Variants in POLG observed in about 807,000 individuals in gnomAD.
POLG encodes DNA polymerase gamma, catalytic subunit.
POLG carries 110 observed loss-of-function variants against 155.4 expected under a neutral mutation model. The ratio of observed to expected loss-of-function variants is 0.71; its 90% confidence interval spans 0.61 to 0.83. POLG has a LOEUF of 0.83. Among genes scored for constraint, POLG ranks in the 40% least tolerant of loss-of-function variants. POLG has a pLI of 0.00. For synonymous variants in POLG, 701 were observed against 631.5 expected, an observed-to-expected ratio of 1.11 and a Z score of -1.65; for missense variants, 1,685 against 1,627.5, an observed-to-expected ratio of 1.04 and a Z score of -0.61.
rs180901471 is a variant in POLG, at chr15:89,320,628, G to C, written c.2981+138C>G. ...ATAGGACAAATCATCCTGGAACCAG[G>C]TTACACAGGTGTGGAAGGAGAGGGG... On this transcript the variant is annotated intron_variant, in intron 18 of 22. Coordinates refer to ENST00000268124, the MANE Select transcript of POLG (RefSeq NM_002693.3). 4 of 965,268 alleles carry C rather than the reference G, an allele frequency of 4.1e-6. No homozygotes were observed. The African/African-American group carries it at 6.4e-5, about 16-fold the overall frequency. 59.8% of individuals were successfully genotyped at this position (965,268 alleles called of 1,614,324 possible).
intron 3 of POLG, 29 bp downstream of exon 3, chr15:89,330,052 G>C (rs773605810): frequency 6.3e-7 from 1 of 1,590,650 alleles, no homozygotes; most frequent in South Asian, 1.1e-5. Flanking sequence ...TCCCATGCCA[G>C]AACCTGCAGT....
chr15:89,317,819 T>C (rs991093825), intron 21 of POLG: 3 of 456,262 alleles, frequency 6.6e-6, no homozygotes, highest in Non-Finnish European at 8.1e-6. Flanking sequence ...TCACTTCCAA[T>C]TGGGCCAGAG....
chr15:89,317,721 C>T (rs2055320255), intron 21 of POLG, 185 bp from the exon 22 acceptor site: 2 of 639,622 alleles, frequency 3.1e-6, no homozygotes, highest in South Asian at 1.8e-5. Context: ...GCCTAACCTC[C>T]CACTGAGATA....
chr15:89,332,236 T>C (rs1389143143), intron 2 of POLG: 1 of 152,236 alleles, frequency 6.6e-6, no homozygotes, highest in Non-Finnish European at 1.5e-5. Context: ...TTTAGCCATG[T>C]TTTCACCATT....
At position 89,321,750 on chromosome 15, in the gene POLG, C is replaced by T. The variant is rs778429780; in HGVS notation, c.2584G>A (p.Ala862Thr). The change falls in exon 16 of 23, where the codon GCC (alanine) becomes ACC (threonine). Residue 862 changes from alanine to threonine, a missense_variant. Physicochemically the swap from Ala to Thr is moderately conservative, Grantham distance 58. Transcript: ENST00000268124. Reference protein sequence around the residue: ...RRAVEPTWLTASNARPDRVGS... With the variant: ...RRAVEPTWLTTSNARPDRVGS... ...AGGTCACATACCCGGGCATTGCTGG[C>T]GGTGAGCCATGTGGGCTCCACAGCC... The T allele has an allele frequency of 6.8e-6, 11 of 1,612,664 alleles. No homozygotes were observed. Among genetic ancestry groups the T allele is most frequent in the Non-Finnish European group, 8.5e-6 (10 of 1,178,812 alleles).
Position 89,318,588 on chromosome 15 carries a change from GTCC to G in POLG, c.3432_3434del (p.Glu1144del). 1 of 1,614,108 alleles carries G rather than the reference GTCC, an allele frequency of 6.2e-7. No homozygotes were observed. Among genetic ancestry groups the G allele is most frequent in the South Asian group, 1.1e-5 (1 of 91,082 alleles). ...GCAAGGCCAGGGCAGCGCGGTAGCGGTCCTCCTCCCGCACCAGGTAGCGAACCT... is the reference window on the plus strand; with the variant it reads ...GCAAGGCCAGGGCAGCGCGGTAGCGGTCCTCCCGCACCAGGTAGCGAACCT... On this transcript the variant is annotated inframe_deletion, in exon 21 of 23. Transcript: ENST00000268124.
At position 89,323,827 on chromosome 15, in the gene POLG, T is replaced by A. The variant is rs796052882; in HGVS notation, c.2145A>T (p.Gln715His). 8.7e-6 allele frequency: 14 copies of A among 1,613,656 alleles called. No individual in the cohort carries two copies. Among genetic ancestry groups the A allele is most frequent in the Middle Eastern group, 1.7e-4 (1 of 6,042 alleles). ...MENLRAAVPG[Q>H]PLALTARGGP... ...GCGCACTGCTCACCAGAGCTAGGGG[T>A]TGACCTGGCACTGCAGCTCGCAAGT... is the stretch of plus-strand genomic sequence containing the variant. The change falls in exon 12 of 23, where the codon CAA becomes CAT. Residue 715 changes from glutamine to histidine, a missense_variant. Coordinates refer to ENST00000268124, the MANE Select transcript of POLG (RefSeq NM_002693.3).
chr15:89,322,286 A>G (rs2055407754), intron 14 of POLG, among the ~76,000 whole-genome samples: 1 of 151,970 alleles, frequency 6.6e-6, no homozygotes, highest in Admixed American at 6.6e-5. Context: ...CCTTCCACCA[A>G]TGCCTCTTCC....
rs2055270079 is a variant in POLG at position 89,316,514 on chromosome 15, C to T, written c.*237G>A. 5.2e-6 allele frequency: 8 copies of T among 1,539,758 alleles called. No homozygotes were observed. The South Asian group carries it at 9.3e-5, about 18-fold the overall frequency. ...GGGCTTCTGCTTCATTTTTACCCAA[C>T]AAGCAACAATGCCCCTTGTCCTGTA... On this transcript the variant is annotated 3_prime_UTR_variant, in exon 23 of 23. Transcript: ENST00000268124.
rs534704227 is a variant in POLG, at chr15:89,319,895, G to A, written c.2982-545C>T. 1.0e-3 allele frequency among the ~76,000 whole-genome samples: 153 copies of A among 152,232 alleles called. 1 individual carries two copies. Among genetic ancestry groups the A allele is most frequent in the African/African-American group, 3.6e-3 (148 of 41,534 alleles). ...GACCTCACAAGGCTTGTCGCCTGAA[G>A]GCTCCAGAGACACGTCACTCGCATA... On this transcript the variant is annotated intron_variant, in intron 18 of 22. Transcript: ENST00000268124.
rs1321855913 is a variant in POLG at position 89,329,145 on chromosome 15, G to A, written c.856-35C>T. 6 of 1,582,788 alleles carry A rather than the reference G, an allele frequency of 3.8e-6. No homozygotes were observed. In the Admixed American group the frequency reaches 1.1e-4, roughly 28 times the overall value. On this transcript the variant is annotated intron_variant, in intron 3 of 22. Transcript: ENST00000268124. ...AGGAGGAGAAAAGGGAAGGGAAGGA[G>A]GGAGGCTGCAACTGTGGGGCCAGCC...
At chr15:89,325,899 T>A (rs1237155634) in intron 9 of POLG, among the ~76,000 whole-genome samples, 1 of 152,082 alleles carries the variant, frequency 6.6e-6, no homozygotes, top group Non-Finnish European at 1.5e-5. Flanking sequence ...AGACACTAAG[T>A]CAGTCCCACT....
intron 2 of POLG, 147 bp from the exon 3 acceptor site, chr15:89,330,423 C>T: frequency 1.4e-6 from 1 of 713,840 alleles, no homozygotes; most frequent in Non-Finnish European, 2.5e-6. Context: ...CTAACTCAAA[C>T]AGCTACAGGT....
intron 22 of POLG, chr15:89,317,054 A>AT (rs1364806620): frequency 3.4e-6 from 2 of 593,010 alleles, no homozygotes; most frequent in Non-Finnish European, 6.0e-6. Context: ...CTTGTTTGGT[A>AT]TTTAAAGCAC....
In POLG at chr15:89,327,095, G is replaced by C. The variant is rs954111058; in HGVS notation, c.1434-32C>G. Reference sequence around the variant, plus strand: ...AGCCAGTCCACTAGGGCAGGGCTAAGGCTAAGCCGAAGGCTAGGCCGCCCA... The same window carrying C: ...AGCCAGTCCACTAGGGCAGGGCTAACGCTAAGCCGAAGGCTAGGCCGCCCA... On this transcript the variant is annotated intron_variant, in intron 7 of 22. Coordinates refer to ENST00000268124, the MANE Select transcript of POLG (RefSeq NM_002693.3). The C allele has an allele frequency of 5.6e-6, 9 of 1,614,108 alleles. No individual in the cohort carries two copies. In the African/African-American group the frequency reaches 1.2e-4, roughly 22 times the overall value.
chr15:89,333,659 C>A lies in POLG; in HGVS notation c.96G>T (p.Ala32=). The change falls in exon 2 of 23, where the codon GCG becomes GCT. Residue 32 remains alanine (A), a synonymous_variant. Transcript: ENST00000268124. ...PGRWVSSSVP[A]SDPSDGQRRR... ...GCCGCTGCCCGTCGCTGGGGTCGGA[C>A]GCGGGGACGGAGCTGGAGACCCAGC... 1 of 1,569,798 alleles carries A rather than the reference C, an allele frequency of 6.4e-7. No homozygotes were observed. The highest frequency in any genetic ancestry group is 8.6e-7 in the Non-Finnish European group (1 of 1,162,624).
chr15:89,319,479 T>A, intron 18 of POLG, 129 bp from the exon 19 acceptor site: 1 of 1,290,964 alleles, frequency 7.7e-7, no homozygotes, highest in Non-Finnish European at 1.1e-6. Context: ...CCCTAAAGGC[T>A]TTTATTCAGA....
At position 89,330,207 on chromosome 15, in the gene POLG, G is replaced by T. The variant is rs757917194; in HGVS notation, c.729C>A (p.Asp243Glu). ...CAGTAGGGACCTCCAGGGGGATGAG[G>T]TCAGCCGGCGACAGCTGGCTGGTCC... ...YSWTSQLSPA[D>E]LIPLEVPTGA... is the part of the protein sequence containing the mutation. The change falls in exon 3 of 23, where the codon GAC (aspartate) becomes GAA (glutamate). Residue 243 changes from aspartate to glutamate, a missense_variant. Coordinates refer to ENST00000268124, the MANE Select transcript of POLG (RefSeq NM_002693.3). The T allele has an allele frequency of 9.3e-6, 15 of 1,613,582 alleles. No homozygotes were observed. Among genetic ancestry groups the T allele is most frequent in the Middle Eastern group, 1.7e-4 (1 of 6,040 alleles).
At chr15:89,331,869 C>A (rs1243609617) in intron 2 of POLG, among the ~76,000 whole-genome samples, 4 of 151,738 alleles carry the variant, frequency 2.6e-5, no homozygotes, top group African/African-American at 9.7e-5. Flanking sequence ...AAGCAATGCC[C>A]CGAGTACCAC....
Sources: gnomAD v4.1 joint callset for allele counts (sites outside exome capture counted in the v4.1 genomes callset) on GRCh38, gnomAD v4.1.1 for gene constraint, MANE v1.5 for transcripts, NCBI Gene and HGNC (gene_info 2026-07-23, HGNC 2026-07-21) for gene names.